Variants in CDC14A observed in about 807,000 individuals in gnomAD.
CDC14A encodes cell division cycle 14A.
Under a neutral mutation model 74.4 loss-of-function variants are expected in CDC14A, and 53 were observed. The observed-to-expected ratio is 0.71, with a 90% confidence interval of 0.57 to 0.89. CDC14A has a LOEUF of 0.89. Ranked by LOEUF, CDC14A falls within the 40% of genes least tolerant of loss-of-function variation. CDC14A has a pLI of 0.00. For missense variants in CDC14A, 646 were observed against 713.7 expected, an observed-to-expected ratio of 0.91 and a Z score of 1.08; for synonymous variants, 247 against 258.4, an observed-to-expected ratio of 0.96 and a Z score of 0.43.
In CDC14A at chr1:100,462,750, G is replaced by T. The variant is rs376700434; in HGVS notation, c.707G>T (p.Arg236Leu). 6.2e-7 allele frequency: 1 copy of T among 1,614,006 alleles called. No homozygotes were observed. The highest frequency in any genetic ancestry group is 1.3e-5 in the African/African-American group (1 of 74,926). Residue 236 changes from arginine (R) to leucine (L), a missense_variant, in exon 9 of 16, where the codon CGC becomes CTC. Physicochemically the swap from Arg to Leu is moderately radical, Grantham distance 102. Transcript: ENST00000336454. ...RLNKKIYEAK[R>L]FTDAGFEHYD... ...AACAAAAAGATTTATGAGGCAAAGC[G>T]CTTCACAGACGCTGGCTTCGAGCAC...
At chr1:100,391,407 C>G (rs1657683165) in intron 4 of CDC14A, among the ~76,000 whole-genome samples, 1 of 152,152 alleles carries the variant, frequency 6.6e-6, no homozygotes, top group Admixed American at 6.5e-5. Flanking sequence ...ACTAACATGT[C>G]AGTATGAATT....
intron 7 of CDC14A, among the ~76,000 whole-genome samples, chr1:100,446,062 T>G (rs1031300894): frequency 6.6e-6 from 1 of 152,212 alleles, no homozygotes; most frequent in Non-Finnish European, 1.5e-5. Flanking sequence ...GTATGATATT[T>G]GGTGAACTTG....
chr1:100,464,431 T>C (rs1207768638), intron 9 of CDC14A, among the ~76,000 whole-genome samples: 2 of 152,248 alleles, frequency 1.3e-5, no homozygotes, highest in Non-Finnish European at 2.9e-5. Context: ...ATTTGCACCC[T>C]GTTTGCTTTT....
At chr1:100,381,970 G>A (rs1381119558) in intron 3 of CDC14A, among the ~76,000 whole-genome samples, 1 of 152,098 alleles carries the variant, frequency 6.6e-6, no homozygotes, top group East Asian at 1.9e-4. Flanking sequence ...ATGATTGATA[G>A]CCTTGAGCTG....
At chr1:100,393,986 T>G (rs1027030034) in intron 4 of CDC14A, 1 of 260,504 alleles carries the variant, frequency 3.8e-6, no homozygotes, top group Middle Eastern at 1.4e-3. Context: ...TAGCAGTGCA[T>G]CCACCTCAAC....
chr1:100,353,034 G>C (rs780208477), intron 1 of CDC14A, 31 bp downstream of exon 1: 1 of 1,611,204 alleles, frequency 6.2e-7, no homozygotes, highest in Non-Finnish European at 8.5e-7. Flanking sequence ...ATCTTCCAAC[G>C]CTTTCTTGCC....
intron 15 of CDC14A, among the ~76,000 whole-genome samples, chr1:100,506,786 T>C (rs1200177674): frequency 6.6e-6 from 1 of 152,216 alleles, no homozygotes; most frequent in Non-Finnish European, 1.5e-5. Flanking sequence ...TTATGTAGTG[T>C]CAATAATACT....
intron 3 of CDC14A, among the ~76,000 whole-genome samples, chr1:100,386,679 C>A (rs1018304656): frequency 2.0e-5 from 3 of 152,112 alleles, no homozygotes; most frequent in Admixed American, 6.5e-5. Context: ...TCCTGTGGTC[C>A]CAGCTACAGA....
chr1:100,491,538 CTCTCTCTCTCTATATATA>C (rs1438749600), intron 11 of CDC14A, among the ~76,000 whole-genome samples: 2 of 38,552 alleles, frequency 5.2e-5, no homozygotes, highest in African/African-American at 1.7e-4. Context: ...CTCTCTCTCT[CTCTCTCTCTCTATATATA>C]TATATATATA....
chr1:100,478,890 G>A (rs1669183309), intron 10 of CDC14A, among the ~76,000 whole-genome samples: 2 of 152,086 alleles, frequency 1.3e-5, no homozygotes, highest in Admixed American at 1.3e-4. Flanking sequence ...GGAATTGTTG[G>A]GGGATCTTGT....
At chr1:100,393,977 A>ATG in intron 4 of CDC14A, 1 of 273,646 alleles carries the variant, frequency 3.7e-6, no homozygotes. Context: ...ATATATATAT[A>ATG]GCAGTGCATC....
upstream of CDC14A, chr1:100,351,720 A>G (rs543132804): frequency 3.3e-5 from 51 of 1,548,894 alleles, no homozygotes; most frequent in South Asian, 5.5e-4. Flanking sequence ...TTTTGCGCTC[A>G]CATTGGCGGC....
intron 11 of CDC14A, among the ~76,000 whole-genome samples, chr1:100,488,732 A>G (rs1209796675): frequency 6.6e-6 from 1 of 152,248 alleles, no homozygotes; most frequent in Non-Finnish European, 1.5e-5. Flanking sequence ...TTTTAATTAC[A>G]TCTTTGAGAC....
chr1:100,482,836 A>AT (rs1557810253), intron 10 of CDC14A, among the ~76,000 whole-genome samples: 1 of 151,678 alleles, frequency 6.6e-6, no homozygotes, highest in Non-Finnish European at 1.5e-5. Flanking sequence ...CTATATATAT[A>AT]TTTTTTTATA....
chr1:100,466,071 C>A (rs1029370872), intron 9 of CDC14A, among the ~76,000 whole-genome samples: 19 of 152,070 alleles, frequency 1.2e-4, no homozygotes, highest in African/African-American at 4.6e-4. Context: ...ATTATAGACT[C>A]TTTTTTAAAA....
intron 10 of CDC14A, among the ~76,000 whole-genome samples, chr1:100,483,207 AAC>A (rs1305371551): frequency 6.6e-6 from 1 of 152,168 alleles, no homozygotes; most frequent in Non-Finnish European, 1.5e-5. Context: ...CACTCCCACC[AAC>A]AGTGTATAAG....
At chr1:100,518,223 A>G in intron 15 of CDC14A, 28 bp from the exon 16 acceptor site, 2 of 1,591,128 alleles carry the variant, frequency 1.3e-6, no homozygotes, top group African/African-American at 2.7e-5. Flanking sequence ...ATGGAATTTA[A>G]CCTCAGTTTA....
intron 15 of CDC14A, among the ~76,000 whole-genome samples, chr1:100,501,670 A>G (rs1648747805): frequency 6.6e-6 from 1 of 152,238 alleles, no homozygotes; most frequent in South Asian, 2.1e-4. Flanking sequence ...TTAAAACAAA[A>G]GTTAACTGTA....
At chr1:100,501,683 C>T (rs1204201070) in intron 15 of CDC14A, among the ~76,000 whole-genome samples, 1 of 152,132 alleles carries the variant, frequency 6.6e-6, no homozygotes, top group Admixed American at 6.5e-5. Flanking sequence ...TAACTGTAAG[C>T]CTCAGGCAGG....
Sources: gnomAD v4.1 joint callset for allele counts (sites outside exome capture counted in the v4.1 genomes callset) on GRCh38, gnomAD v4.1.1 for gene constraint, MANE v1.5 for transcripts, NCBI Gene and HGNC (gene_info 2026-07-23, HGNC 2026-07-21) for gene names.